Variants in PAK5 observed in about 807,000 individuals in gnomAD.
PAK5 encodes the protein serine/threonine-protein kinase PAK 5.
In PAK5, 16 loss-of-function variants were observed where a neutral mutation model predicts 65.9. That is an observed-to-expected ratio of 0.24 (90% CI 0.16 to 0.37). The LOEUF is 0.37. Among genes scored for constraint, PAK5 ranks in the 10% least tolerant of loss-of-function variants. The probability of loss-of-function intolerance (pLI) is 1.00; values close to 1 mark genes in which losing one functional copy is unlikely to be tolerated. For missense variants in PAK5, 785 were observed against 903.9 expected, an observed-to-expected ratio of 0.87 and a Z score of 1.69; for synonymous variants, 371 against 354.9, an observed-to-expected ratio of 1.05 and a Z score of -0.51.
chr20:9,630,179 T>C (rs1459275300), intron 3 of PAK5, among the ~76,000 whole-genome samples: 1 of 152,168 alleles, frequency 6.6e-6, no homozygotes, highest in African/African-American at 2.4e-5. Context: ...AATCTGATGA[T>C]GTAAAAAATT....
At chr20:9,668,914 T>A (rs2047455879) in intron 2 of PAK5, among the ~76,000 whole-genome samples, 1 of 152,222 alleles carries the variant, frequency 6.6e-6, no homozygotes, top group South Asian at 2.1e-4. Context: ...AGATCAGCAC[T>A]GACTCAGTGG....
chr20:9,659,664 G>T (rs1336951938), intron 2 of PAK5, among the ~76,000 whole-genome samples: 1 of 152,146 alleles, frequency 6.6e-6, no homozygotes, highest in Non-Finnish European at 1.5e-5. Flanking sequence ...TACGAGTAAA[G>T]AATGGAATCT....
intron 1 of PAK5, among the ~76,000 whole-genome samples, chr20:9,805,619 A>G (rs2049222592): frequency 6.6e-6 from 1 of 152,212 alleles, no homozygotes; most frequent in Non-Finnish European, 1.5e-5. Flanking sequence ...GAAGCCAGTC[A>G]CAAAAGACCA....
At chr20:9,549,119 A>G (rs2045389056) in intron 7 of PAK5, among the ~76,000 whole-genome samples, 2 of 152,314 alleles carry the variant, frequency 1.3e-5, no homozygotes, top group South Asian at 4.1e-4. Context: ...AATGCACAGA[A>G]GTAAAAATCC....
intron 1 of PAK5, among the ~76,000 whole-genome samples, chr20:9,831,775 T>G (rs1449604763): frequency 2.0e-5 from 3 of 152,194 alleles, no homozygotes; most frequent in Non-Finnish European, 4.4e-5. Flanking sequence ...CCCAAAGTGG[T>G]GAGATTACAG....
intron 3 of PAK5, among the ~76,000 whole-genome samples, chr20:9,622,081 G>A (rs952779827): frequency 2.2e-4 from 34 of 152,128 alleles, no homozygotes; most frequent in African/African-American, 7.0e-4. Flanking sequence ...TGAAAGGAAA[G>A]GACTGGGAAA....
chr20:9,787,609 T>A (rs2123710605), intron 1 of PAK5, among the ~76,000 whole-genome samples: 1 of 145,266 alleles, frequency 6.9e-6, no homozygotes, highest in East Asian at 2.1e-4. Flanking sequence ...TCTGCATGGC[T>A]ATGAAAAGGA....
intron 1 of PAK5, among the ~76,000 whole-genome samples, chr20:9,760,733 A>G (rs577675698): frequency 1.5e-5 from 2 of 133,216 alleles, no homozygotes; most frequent in South Asian, 4.6e-4. Context: ...GTGCCGTGGT[A>G]CGATCTCGGC....
intron 2 of PAK5, among the ~76,000 whole-genome samples, chr20:9,689,719 C>T (rs1393007089): frequency 6.6e-6 from 1 of 152,176 alleles, no homozygotes; most frequent in Non-Finnish European, 1.5e-5. Context: ...TCCTCTATAT[C>T]CATAATGATT....
At chr20:9,709,065 G>C (rs536648599) in intron 2 of PAK5, among the ~76,000 whole-genome samples, 1 of 152,232 alleles carries the variant, frequency 6.6e-6, no homozygotes, top group South Asian at 2.1e-4. Context: ...TCTAGTTCAT[G>C]TTAGTCTTGT....
chr20:9,807,241 G>C (rs532691983), intron 1 of PAK5, among the ~76,000 whole-genome samples: 3 of 152,290 alleles, frequency 2.0e-5, no homozygotes, highest in East Asian at 3.9e-4. Flanking sequence ...TATTTGAAGA[G>C]TCATTATTCT....
At position 9,649,899 on chromosome 20, in the gene PAK5, T is replaced by A. The variant is rs952441147; in HGVS notation, c.-11-5560A>T. Among the ~76,000 whole-genome samples the A allele has an allele frequency of 2.0e-5, 3 of 152,214 alleles. No homozygotes were observed. In the East Asian group the frequency reaches 5.8e-4, roughly 29 times the overall value. ...ATTTCTGCTACACAGATAAGGAAAC[T>A]GAGGCCTACAGGAGTTAAAAAAAAA... On this transcript the variant is annotated intron_variant, in intron 2 of 9. Transcript: ENST00000353224.
intron 3 of PAK5, among the ~76,000 whole-genome samples, chr20:9,600,877 G>C (rs1472620679): frequency 3.9e-5 from 6 of 152,162 alleles, no homozygotes; most frequent in Non-Finnish European, 8.8e-5. Flanking sequence ...ATGGCTCAAA[G>C]GACCTTCTCT....
chr20:9,616,972 A>C (rs1259594003), intron 3 of PAK5, among the ~76,000 whole-genome samples: 1 of 152,180 alleles, frequency 6.6e-6, no homozygotes, highest in African/African-American at 2.4e-5. Flanking sequence ...ATAATTGCAA[A>C]AAGCTGGACT....
intron 1 of PAK5, among the ~76,000 whole-genome samples, chr20:9,777,487 T>C (rs979626765): frequency 1.3e-5 from 2 of 152,182 alleles, no homozygotes; most frequent in African/African-American, 4.8e-5. Context: ...CCTCATTCAC[T>C]TTCCACCATG....
intron 1 of PAK5, among the ~76,000 whole-genome samples, chr20:9,728,062 A>G (rs1414218407): frequency 6.6e-6 from 1 of 152,096 alleles, no homozygotes; most frequent in Non-Finnish European, 1.5e-5. Context: ...TTAACCCCCA[A>G]GGTGATAATA....
intron 2 of PAK5, among the ~76,000 whole-genome samples, chr20:9,645,745 C>A (rs2123281086): frequency 6.6e-6 from 1 of 152,240 alleles, no homozygotes; most frequent in Admixed American, 6.5e-5. Flanking sequence ...CCACCATGCC[C>A]AAGCTAATTT....
At chr20:9,733,929 A>G (rs539830464) in intron 1 of PAK5, among the ~76,000 whole-genome samples, 16 of 152,320 alleles carry the variant, frequency 1.1e-4, no homozygotes, top group Admixed American at 8.5e-4. Flanking sequence ...TCCAAACACA[A>G]TGATCTGTGT....
chr20:9,741,402 C>T (rs746793216), intron 1 of PAK5, among the ~76,000 whole-genome samples: 4 of 152,194 alleles, frequency 2.6e-5, no homozygotes, highest in Non-Finnish European at 2.9e-5. Flanking sequence ...CACACAGTCC[C>T]GGGAGGAATC....
Sources: gnomAD v4.1 joint callset for allele counts (sites outside exome capture counted in the v4.1 genomes callset) on GRCh38, gnomAD v4.1.1 for gene constraint, MANE v1.5 for transcripts, NCBI Gene and HGNC (gene_info 2026-07-23, HGNC 2026-07-21) for gene names.